The following ZNF148 variants were observed in gnomAD, a reference collection of about 807,000 sequenced individuals.
ZNF148 encodes Beta-Enolase Repressor Factor-1.
ZNF148 carries 7 observed loss-of-function variants against 67.7 expected under a neutral mutation model. The observed-to-expected ratio is 0.10, with a 90% CI of 0.06 to 0.19. The LOEUF (loss-of-function observed/expected upper bound fraction) is 0.19, where lower values mean the gene tolerates loss of function less well. Ranked by LOEUF, ZNF148 falls within the 10% of genes least tolerant of loss-of-function variation. ZNF148 has a pLI of 1.00. For synonymous variants in ZNF148, 333 were observed against 330.7 expected (o/e 1.01, Z -0.08); for missense variants, 583 against 947.1 (o/e 0.62, Z 5.05).
chr3:125,313,811 T>C (rs1940351720), intron 3 of ZNF148, among the ~76,000 whole-genome samples, 155 bp from the exon 4 acceptor site: 1 of 152,158 alleles, frequency 6.6e-6, no homozygotes, highest in Admixed American at 6.5e-5. Context: ...AATACCAATA[T>C]CGGTTTCCAA....
At chr3:125,253,514 A>G (rs775700459) in intron 7 of ZNF148, among the ~76,000 whole-genome samples, 8 of 152,152 alleles carry the variant, frequency 5.3e-5, no homozygotes, top group Non-Finnish European at 1.2e-4. Context: ...CCAGGCATCA[A>G]TCTCAGGGGG....
intron 7 of ZNF148, among the ~76,000 whole-genome samples, chr3:125,268,654 T>C (rs140427460): frequency 1.3e-5 from 2 of 152,246 alleles, no homozygotes; most frequent in African/African-American, 2.4e-5. Flanking sequence ...TGGCAAAGAA[T>C]TTATGACTAA....
chr3:125,366,388 C>T (rs939468117), intron 1 of ZNF148, among the ~76,000 whole-genome samples: 3 of 152,214 alleles, frequency 2.0e-5, no homozygotes, highest in South Asian at 2.1e-4. Context: ...CCATTTTCAA[C>T]CCAACCCCAA....
rs536057259 is a variant in ZNF148, at chr3:125,265,003, A to G, written c.667+12723T>C. On this transcript the variant is annotated intron_variant, in intron 7 of 8. Coordinates refer to ENST00000360647, the MANE Select transcript of ZNF148 (RefSeq NM_021964.3). ...GTAAGTAGCTTTAACTCTCAGTTCA[A>G]AAGAGTAATGATTTCATGTAAACTT... Among the ~76,000 whole-genome samples the G allele has an allele frequency of 2.6e-5, 4 of 152,328 alleles. No homozygotes were observed. In the South Asian group the frequency reaches 8.3e-4, roughly 32 times the overall value.
chr3:125,255,217 G>A (rs1937016827), intron 7 of ZNF148, among the ~76,000 whole-genome samples: 1 of 132,246 alleles, frequency 7.6e-6, no homozygotes, highest in South Asian at 2.8e-4. Flanking sequence ...CATATTTAGT[G>A]ATTTAATGTC....
chr3:125,296,510 A>G (rs1291275855), intron 4 of ZNF148, among the ~76,000 whole-genome samples: 1 of 152,196 alleles, frequency 6.6e-6, no homozygotes, highest in Admixed American at 6.6e-5. Context: ...ATACAAATCT[A>G]GAAATTATAC....
At position 125,228,642 on chromosome 3, in the gene ZNF148, C is replaced by CT. The variant is rs1344629885; in HGVS notation, c.*3698dup. The CT allele has an allele frequency of 1.3e-5, 2 of 152,516 alleles. No homozygotes were observed. Among genetic ancestry groups the CT allele is most frequent in the African/African-American group, 4.8e-5 (2 of 41,412 alleles). The allele number at this position is 152,516 out of a possible 1,614,324, so 9.4% of individuals were successfully genotyped here. A position where few individuals can be genotyped will look rare whatever the true frequency, so the allele number is the denominator to read the frequency against. On this transcript the variant is annotated 3_prime_UTR_variant, in exon 9 of 9. Transcript: ENST00000360647. ...AAACAAGCTGTAAAAACATTACATA[C>CT]TTTCAGACAATACAAATTAGCACAT...
chr3:125,339,741 T>A (rs1363197543), intron 1 of ZNF148, among the ~76,000 whole-genome samples: 2 of 152,216 alleles, frequency 1.3e-5, no homozygotes, highest in African/African-American at 4.8e-5. Flanking sequence ...ATATTATGCC[T>A]GTATCAAAAT....
intron 7 of ZNF148, among the ~76,000 whole-genome samples, chr3:125,267,329 C>T (rs896843788): frequency 6.6e-6 from 1 of 151,220 alleles, no homozygotes; most frequent in African/African-American, 2.4e-5. Context: ...GAACAAAATA[C>T]TAGCAAACTG....
chr3:125,237,073 C>G (rs550494039), intron 7 of ZNF148, among the ~76,000 whole-genome samples: 14 of 152,250 alleles, frequency 9.2e-5, no homozygotes, highest in African/African-American at 3.1e-4. Context: ...AGTTAAGAGG[C>G]AATCCATTCC....
At chr3:125,262,643 T>C (rs1215589182) in intron 7 of ZNF148, among the ~76,000 whole-genome samples, 1 of 152,234 alleles carries the variant, frequency 6.6e-6, no homozygotes, top group Non-Finnish European at 1.5e-5. Context: ...TCTTCAGTGA[T>C]TGAGATTGGT....
chr3:125,329,313 A>T (rs1049204174), intron 2 of ZNF148, among the ~76,000 whole-genome samples: 1 of 143,942 alleles, frequency 6.9e-6, no homozygotes, highest in Non-Finnish European at 1.5e-5. Flanking sequence ...CATACTACAG[A>T]TATATATATA....
intron 7 of ZNF148, among the ~76,000 whole-genome samples, chr3:125,267,096 G>C (rs1937549210): frequency 6.8e-6 from 1 of 147,712 alleles, no homozygotes; most frequent in South Asian, 2.1e-4. Context: ...AAAAAGCCCT[G>C]GACCAGATGG....
chr3:125,362,542 CT>C (rs201408443), intron 1 of ZNF148, among the ~76,000 whole-genome samples: 2,243 of 148,726 alleles, frequency 0.015, 31 homozygotes, highest in Middle Eastern at 0.024. Flanking sequence ...AGTCCTTACC[CT>C]TTTTTTGTTT....
intron 4 of ZNF148, among the ~76,000 whole-genome samples, chr3:125,292,998 C>G (rs894387573): frequency 1.3e-5 from 2 of 152,160 alleles, no homozygotes; most frequent in Admixed American, 1.3e-4. Context: ...TTTCCCTCTT[C>G]TCACTAAATT....
intron 5 of ZNF148, among the ~76,000 whole-genome samples, chr3:125,287,007 T>C (rs1384009700): frequency 1.3e-5 from 2 of 152,198 alleles, no homozygotes; most frequent in African/African-American, 4.8e-5. Flanking sequence ...GGTGTAAATA[T>C]TCCCACCATA....
rs939474746 is a variant in ZNF148 at position 125,227,447 on chromosome 3, G to T, written c.*4894C>A. On this transcript the variant is annotated 3_prime_UTR_variant, in exon 9 of 9. Transcript: ENST00000360647. Reference sequence around the variant, plus strand: ...AAAATTCAACGTGCTCCACCATCAGGATTTCCATCACACACATTTAATTTC... The same window carrying T: ...AAAATTCAACGTGCTCCACCATCAGTATTTCCATCACACACATTTAATTTC... 1 of 152,462 alleles carries T rather than the reference G, an allele frequency of 6.6e-6. No individual in the cohort carries two copies. The highest frequency in any genetic ancestry group is 1.5e-5 in the Non-Finnish European group (1 of 67,980). 9.4% of individuals were successfully genotyped at this position (152,462 alleles called of 1,614,324 possible).
chr3:125,261,832 T>C (rs1579647107), intron 7 of ZNF148, among the ~76,000 whole-genome samples: 1 of 151,472 alleles, frequency 6.6e-6, no homozygotes, highest in Admixed American at 6.6e-5. Flanking sequence ...CAAGTTTTTT[T>C]TTTTTTTTTT....
Position 125,257,468 on chromosome 3 carries a change from C to T in ZNF148, c.667+20258G>A, listed in dbSNP as rs754393083. On this transcript the variant is annotated intron_variant, in intron 7 of 8. Transcript: ENST00000360647. ...CTACGTGGGAGGCTGAGACGAGAATCGCTTGAACTCGGGCTGCGGAGGTTG... is the reference window on the plus strand; with the variant it reads ...CTACGTGGGAGGCTGAGACGAGAATTGCTTGAACTCGGGCTGCGGAGGTTG... Among the ~76,000 whole-genome samples the T allele has an allele frequency of 4.0e-5, 6 of 149,660 alleles. No homozygotes were observed. The East Asian group carries it at 7.9e-4, about 20-fold the overall frequency.
Sources: gnomAD v4.1 joint callset for allele counts (sites outside exome capture counted in the v4.1 genomes callset) on GRCh38, gnomAD v4.1.1 for gene constraint, MANE v1.5 for transcripts, NCBI Gene and HGNC (gene_info 2026-07-23, HGNC 2026-07-21) for gene names.